The following RGS6 variants were observed in gnomAD, a reference collection of about 807,000 sequenced individuals.
The protein encoded by RGS6 is regulator of G-protein signaling 6.
A neutral mutation model predicts 78.5 loss-of-function variants in RGS6; 30 were observed. That is an observed-to-expected ratio of 0.38 (90% CI 0.29 to 0.52). RGS6 has a LOEUF of 0.52. RGS6 is among the 20% of genes least tolerant of loss of function. The pLI is 0.85. For synonymous variants in RGS6, 206 were observed against 206.0 expected, an observed-to-expected ratio of 1.00 and a Z score of 0.00; for missense variants, 495 against 609.7, an observed-to-expected ratio of 0.81 and a Z score of 1.98.
chr14:71,920,635 GCA>G, the RGS6 span, among the ~76,000 whole-genome samples: 1 of 151,708 alleles, frequency 6.6e-6, no homozygotes, highest in East Asian at 1.9e-4. Flanking sequence ...ACACGCGCGT[GCA>G]CACACACACA....
the RGS6 span, among the ~76,000 whole-genome samples, chr14:72,621,243 C>T: frequency 3.3e-5 from 5 of 152,070 alleles, no homozygotes; most frequent in African/African-American, 1.2e-4. Context: ...GACTATAAAG[C>T]CCTTGGGGGC....
chr14:72,497,117 T>C (rs1234415429), intron 13 of RGS6, among the ~76,000 whole-genome samples: 1 of 152,208 alleles, frequency 6.6e-6, no homozygotes, highest in Admixed American at 6.5e-5. Flanking sequence ...GGAGTAGAAT[T>C]CGTAGAAATG....
intron 2 of RGS6, among the ~76,000 whole-genome samples, chr14:72,330,537 TAGGG>T (rs2074773584): frequency 6.6e-6 from 1 of 152,192 alleles, no homozygotes; most frequent in Non-Finnish European, 1.5e-5. Context: ...AGGGAGGTCA[TAGGG>T]AGGTTGAAAA....
the RGS6 span, among the ~76,000 whole-genome samples, chr14:72,600,088 C>G: frequency 6.6e-6 from 1 of 152,036 alleles, no homozygotes; most frequent in Non-Finnish European, 1.5e-5. Context: ...TGTCCTTCCC[C>G]CCTCCCTTCT....
At chr14:71,920,233 G>A in the RGS6 span, among the ~76,000 whole-genome samples, 1 of 152,188 alleles carries the variant, frequency 6.6e-6, no homozygotes, top group Non-Finnish European at 1.5e-5. Context: ...ATTAATCTGC[G>A]CTAGTGGTTA....
At chr14:72,000,675 G>A (rs1305000225) in intron 2 of RGS6, among the ~76,000 whole-genome samples, 2 of 152,156 alleles carry the variant, frequency 1.3e-5, no homozygotes, top group Non-Finnish European at 2.9e-5. Context: ...CAGGATGGAT[G>A]TTGTACCAGA....
chr14:72,266,994 TTTTGTTTG>T (rs3055057), intron 2 of RGS6, among the ~76,000 whole-genome samples: 10 of 151,498 alleles, frequency 6.6e-5, no homozygotes, highest in Middle Eastern at 3.4e-3. Flanking sequence ...GATTGTCATA[TTTTGTTTG>T]TTTGTTTGTT....
chr14:72,074,321 G>C (rs1244457643), intron 2 of RGS6, among the ~76,000 whole-genome samples: 1 of 152,128 alleles, frequency 6.6e-6, no homozygotes, highest in Non-Finnish European at 1.5e-5. Context: ...TCAGCTTCCT[G>C]AGTAGCTGGG....
chr14:72,510,555 C>T (rs1304422636), intron 14 of RGS6, among the ~76,000 whole-genome samples: 4 of 152,172 alleles, frequency 2.6e-5, no homozygotes, highest in Admixed American at 6.5e-5. Flanking sequence ...ATTAGTCAAA[C>T]GGATTTGACA....
chr14:72,033,652 A>T (rs1416697681), intron 2 of RGS6, among the ~76,000 whole-genome samples: 1 of 152,216 alleles, frequency 6.6e-6, no homozygotes, highest in African/African-American at 2.4e-5. Flanking sequence ...GGAAAAGATC[A>T]AAATTTAAAG....
At chr14:72,597,679 C>G in the RGS6 span, among the ~76,000 whole-genome samples, 1 of 152,164 alleles carries the variant, frequency 6.6e-6, no homozygotes, top group Non-Finnish European at 1.5e-5. Flanking sequence ...GTGATTAGAT[C>G]AGGGTAATCC....
chr14:72,474,509 T>A, intron 9 of RGS6, 116 bp from the exon 10 acceptor site: 2 of 900,292 alleles, frequency 2.2e-6, no homozygotes, highest in East Asian at 2.6e-5. Flanking sequence ...GAAAAAAAAA[T>A]CATGCATTGT....
chr14:71,994,350 C>G (rs1032923336), intron 2 of RGS6, among the ~76,000 whole-genome samples: 5 of 152,250 alleles, frequency 3.3e-5, no homozygotes, highest in African/African-American at 7.2e-5. Flanking sequence ...ATATTACTCT[C>G]AAGTCAATCA....
the RGS6 span, among the ~76,000 whole-genome samples, chr14:72,602,161 A>C: frequency 1.3e-5 from 2 of 152,196 alleles, no homozygotes; most frequent in Non-Finnish European, 2.9e-5. Flanking sequence ...ACAAAGCCAC[A>C]TTTCTCTGAC....
At chr14:72,003,558 A>G (rs1167517102) in intron 2 of RGS6, among the ~76,000 whole-genome samples, 2 of 152,162 alleles carry the variant, frequency 1.3e-5, no homozygotes, top group Non-Finnish European at 2.9e-5. Flanking sequence ...ACCTTTAAGG[A>G]AGATTTTGTT....
intron 2 of RGS6, among the ~76,000 whole-genome samples, chr14:72,214,174 C>CT (rs2044930816): frequency 2.1e-5 from 3 of 144,980 alleles, no homozygotes; most frequent in South Asian, 2.2e-4. Context: ...TGTTTATTTT[C>CT]TTATTTTTTT....
At chr14:72,178,046 G>C (rs140525820) in intron 2 of RGS6, among the ~76,000 whole-genome samples, 1 of 152,170 alleles carries the variant, frequency 6.6e-6, no homozygotes, top group South Asian at 2.1e-4. Context: ...TCCCTGACTC[G>C]CATTCCTGCA....
the RGS6 span, among the ~76,000 whole-genome samples, chr14:72,581,606 AC>A: frequency 2.0e-5 from 3 of 152,274 alleles, no homozygotes; most frequent in Middle Eastern, 6.8e-3. Context: ...ACATGCGTGA[AC>A]CTAGCTGCTG....
At chr14:72,244,055 G>C (rs555656705) in intron 2 of RGS6, among the ~76,000 whole-genome samples, 2 of 152,310 alleles carry the variant, frequency 1.3e-5, no homozygotes, top group African/African-American at 4.8e-5. Flanking sequence ...AAAAGTCCCT[G>C]CAGTCTACCC....
Sources: gnomAD v4.1 joint callset for allele counts (sites outside exome capture counted in the v4.1 genomes callset) on GRCh38, gnomAD v4.1.1 for gene constraint, MANE v1.5 for transcripts, NCBI Gene and HGNC (gene_info 2026-07-23, HGNC 2026-07-21) for gene names.